The following KIF15 variants were observed in gnomAD, a reference collection of about 807,000 sequenced individuals.
KIF15 encodes kinesin-like protein KIF15.
Under a neutral mutation model 190.6 loss-of-function variants are expected in KIF15, and 140 were observed. The observed-to-expected ratio is 0.73, with a 90% CI of 0.64 to 0.84. The LOEUF (loss-of-function observed/expected upper bound fraction) is 0.84, where lower values mean the gene tolerates loss of function less well. Ranked by LOEUF, KIF15 falls within the 40% of genes least tolerant of loss-of-function variation. KIF15 has a pLI of 0.00. For missense variants in KIF15, 1,372 were observed against 1,584.4 expected (o/e 0.87, Z 2.28); for synonymous variants, 528 against 551.3 (o/e 0.96, Z 0.59).
intron 13 of KIF15, 45 bp from the exon 14 acceptor site, chr3:44,802,769 A>G: frequency 6.8e-7 from 1 of 1,466,010 alleles, no homozygotes; most frequent in Non-Finnish European, 9.0e-7. Flanking sequence ...TTCACTAAGG[A>G]AATGTTTGTA....
chr3:44,783,342 GGTGAGAGAGGAAA>G (rs1217212369), intron 5 of KIF15, among the ~76,000 whole-genome samples: 3 of 152,072 alleles, frequency 2.0e-5, no homozygotes, highest in African/African-American at 4.8e-5. Flanking sequence ...GGGATTACAT[GGTGAGAGAGGAAA>G]GTGAGAGAGA....
intron 3 of KIF15, among the ~76,000 whole-genome samples, 165 bp downstream of exon 3, chr3:44,775,602 C>T (rs549617527): frequency 7.2e-5 from 11 of 151,732 alleles, no homozygotes; most frequent in East Asian, 4.0e-4. Flanking sequence ...ACTACAGGTG[C>T]GCGCCACCAT....
chr3:44,852,652 T>C, intron 34 of KIF15, 21 bp from the exon 35 acceptor site: 1 of 1,549,128 alleles, frequency 6.5e-7, no homozygotes, highest in South Asian at 1.2e-5. Flanking sequence ...TTTTTCTTTT[T>C]GTTTTTTTAA....
At chr3:44,817,375 T>C (rs573863515) in intron 20 of KIF15, among the ~76,000 whole-genome samples, 1 of 152,320 alleles carries the variant, frequency 6.6e-6, no homozygotes, top group East Asian at 1.9e-4. Context: ...TGGTTTTAGG[T>C]CCAACATTTA....
At position 44,841,048 on chromosome 3, in the gene KIF15, T is replaced by A. The variant is rs754633271; in HGVS notation, c.3421-26T>A. On this transcript the variant is annotated intron_variant, in intron 28 of 34. Transcript: ENST00000326047. The stretch of plus-strand genomic sequence containing the variant: ...TTTATAATATCACTTAATTGGATAT[T>A]TGGATGAGATGTGATTTTATTTTAG... 1.9e-6 allele frequency: 3 copies of A among 1,572,848 alleles called. No homozygotes were observed. The Middle Eastern group carries it at 5.3e-4, about 277-fold the overall frequency.
At chr3:44,868,669 A>G (rs1575704744) in intron 6 of KIF15, among the ~76,000 whole-genome samples, 7 of 152,326 alleles carry the variant, frequency 4.6e-5, no homozygotes, top group Admixed American at 6.5e-5. Context: ...GAGAAAATAA[A>G]TATCTGTTGT....
chr3:44,762,000 A>G, intron 1 of KIF15, 116 bp downstream of exon 1: 2 of 1,338,352 alleles, frequency 1.5e-6, no homozygotes, highest in South Asian at 1.2e-5. Context: ...GCAGGAGCTG[A>G]GTGACCGGCG....
intron 5 of KIF15, 103 bp downstream of exon 5, chr3:44,781,025 C>A: frequency 1.2e-6 from 1 of 853,942 alleles, no homozygotes; most frequent in Non-Finnish European, 1.9e-6. Flanking sequence ...TGATGTTGAT[C>A]TCTTGAAATT....
At chr3:44,854,847 A>G (rs1699169622), downstream of KIF15, among the ~76,000 whole-genome samples, 1 of 152,218 alleles carries the variant, frequency 6.6e-6, no homozygotes, top group Non-Finnish European at 1.5e-5. Context: ...CTCTTCTTAG[A>G]AAGACACTAG....
chr3:44,802,067 G>A (rs1707302702), intron 13 of KIF15, 93 bp downstream of exon 13: 1 of 842,050 alleles, frequency 1.2e-6, no homozygotes, highest in Non-Finnish European at 1.8e-6. Context: ...TAATACAATG[G>A]AAATTGTTTT....
At chr3:44,782,254 G>A (rs1347134405) in intron 5 of KIF15, among the ~76,000 whole-genome samples, 6 of 151,964 alleles carry the variant, frequency 3.9e-5, no homozygotes, top group South Asian at 2.1e-4. Context: ...TGGGGGGCGC[G>A]TCTCACCATG....
At chr3:44,806,068 C>A in intron 16 of KIF15, 82 bp downstream of exon 16, 1 of 1,454,174 alleles carries the variant, frequency 6.9e-7, no homozygotes, top group Non-Finnish European at 9.4e-7. Flanking sequence ...CATGGTCTAT[C>A]TCCAGATGCA....
intron 1 of KIF15, among the ~76,000 whole-genome samples, chr3:44,765,629 A>T (rs1482877645): frequency 6.6e-6 from 1 of 152,146 alleles, no homozygotes; most frequent in Admixed American, 6.5e-5. Context: ...AACTACTTCA[A>T]TTCTTGCTCC....
chr3:44,795,108 C>A (rs919195918), intron 8 of KIF15, among the ~76,000 whole-genome samples: 1 of 152,082 alleles, frequency 6.6e-6, no homozygotes, highest in Non-Finnish European at 1.5e-5. Flanking sequence ...TGGGATAGGG[C>A]AAGTCTGTCA....
chr3:44,846,943 C>T (rs1698875340), intron 30 of KIF15, among the ~76,000 whole-genome samples: 1 of 152,054 alleles, frequency 6.6e-6, no homozygotes, highest in Non-Finnish European at 1.5e-5. Context: ...GAGACATAGT[C>T]ACACCCTGTC....
At chr3:44,819,160 G>A (rs190712545) in intron 20 of KIF15, among the ~76,000 whole-genome samples, 1 of 152,172 alleles carries the variant, frequency 6.6e-6, no homozygotes, top group East Asian at 1.9e-4. Context: ...CTTGCTAGCA[G>A]TCTTATCAAT....
intron 1 of KIF15, among the ~76,000 whole-genome samples, chr3:44,766,667 C>T (rs1032327355): frequency 7.9e-5 from 12 of 152,112 alleles, no homozygotes; most frequent in Non-Finnish European, 1.5e-4. Flanking sequence ...GGGAGGGAGA[C>T]AGCAATCTTG....
intron 20 of KIF15, among the ~76,000 whole-genome samples, chr3:44,824,319 T>C (rs888157279): frequency 7.2e-5 from 11 of 152,190 alleles, no homozygotes; most frequent in African/African-American, 2.7e-4. Context: ...CATCAGTTGC[T>C]GCAAAATTCA....
intron 7 of KIF15, among the ~76,000 whole-genome samples, chr3:44,787,794 A>G (rs1401248877): frequency 6.6e-6 from 1 of 152,064 alleles, no homozygotes; most frequent in Non-Finnish European, 1.5e-5. Flanking sequence ...ACTTTATTCC[A>G]GTATACCTTA....
Sources: allele counts gnomAD v4.1 joint callset (sites outside exome capture counted in the v4.1 genomes callset), GRCh38; gene constraint gnomAD v4.1.1; transcripts MANE v1.5; gene names NCBI Gene and HGNC (gene_info 2026-07-23, HGNC 2026-07-21).